LUZP2: variants seen among roughly 807,000 people sequenced by gnomAD.
LUZP2 encodes leucine zipper protein 2.
LUZP2 carries 52 observed loss-of-function variants against 51.6 expected under a neutral mutation model. The observed-to-expected ratio is 1.01, with a 90% CI of 0.81 to 1.27. The LOEUF (loss-of-function observed/expected upper bound fraction) is 1.27, where lower values mean the gene tolerates loss of function less well. Ranked by LOEUF, LUZP2 falls within the 50% of genes most tolerant of loss-of-function variation. The pLI is 0.00. For synonymous variants in LUZP2, 154 were observed against 137.3 expected, an observed-to-expected ratio of 1.12 and a Z score of -0.85; for missense variants, 436 against 395.4, an observed-to-expected ratio of 1.10 and a Z score of -0.87.
chr11:24,901,787 T>G (rs905846772), intron 5 of LUZP2, among the ~76,000 whole-genome samples: 14 of 152,134 alleles, frequency 9.2e-5, no homozygotes, highest in African/African-American at 3.4e-4. Flanking sequence ...TCCATTGACC[T>G]CCATAATTCT....
intron 7 of LUZP2, among the ~76,000 whole-genome samples, chr11:24,918,701 A>G (rs939712464): frequency 4.0e-5 from 6 of 151,516 alleles, no homozygotes; most frequent in African/African-American, 1.5e-4. Flanking sequence ...GTCAAAAAAT[A>G]TAAAGCCAAA....
At chr11:24,606,524 A>G (rs528602336) in intron 1 of LUZP2, among the ~76,000 whole-genome samples, 1 of 152,108 alleles carries the variant, frequency 6.6e-6, no homozygotes, top group African/African-American at 2.4e-5. Flanking sequence ...TATGAGTGAC[A>G]ATTCTTTTTT....
chr11:24,727,507 A>G (rs1306661309), intron 1 of LUZP2, among the ~76,000 whole-genome samples: 2 of 152,128 alleles, frequency 1.3e-5, no homozygotes, highest in Non-Finnish European at 2.9e-5. Context: ...GACAGCATAT[A>G]TAATAACCTG....
intron 5 of LUZP2, among the ~76,000 whole-genome samples, chr11:24,881,424 G>T (rs571005830): frequency 6.6e-6 from 1 of 151,668 alleles, no homozygotes. Context: ...TGCAAGGATG[G>T]ATGAGTCATG....
chr11:24,949,650 A>G (rs1390497494), intron 7 of LUZP2, among the ~76,000 whole-genome samples: 1 of 151,562 alleles, frequency 6.6e-6, no homozygotes, highest in Non-Finnish European at 1.5e-5. Flanking sequence ...AGCGGTTCGT[A>G]ATACTGGATT....
At chr11:24,636,780 C>T (rs1855120756) in intron 1 of LUZP2, among the ~76,000 whole-genome samples, 1 of 152,038 alleles carries the variant, frequency 6.6e-6, no homozygotes, top group Non-Finnish European at 1.5e-5. Flanking sequence ...CTCACACACA[C>T]TTAACCAGAG....
intron 9 of LUZP2, among the ~76,000 whole-genome samples, chr11:25,005,024 A>G (rs1007415882): frequency 1.3e-5 from 2 of 152,222 alleles, no homozygotes; most frequent in Non-Finnish European, 2.9e-5. Flanking sequence ...CTATGTACCT[A>G]TCAGGATCAT....
At chr11:24,566,904 TA>T (rs1365963474) in intron 1 of LUZP2, among the ~76,000 whole-genome samples, 2 of 3,738 alleles carry the variant, frequency 5.4e-4, no homozygotes, top group East Asian at 0.016. Flanking sequence ...TTATATATGT[TA>T]TATATATATA....
intron 1 of LUZP2, among the ~76,000 whole-genome samples, chr11:24,609,998 C>T (rs994199717): frequency 1.3e-5 from 2 of 152,096 alleles, no homozygotes; most frequent in Non-Finnish European, 1.5e-5. Flanking sequence ...CCAAGGCTAA[C>T]CTGGGAGTAA....
intron 5 of LUZP2, among the ~76,000 whole-genome samples, chr11:24,875,155 G>A (rs1852205315): frequency 6.6e-6 from 1 of 150,742 alleles, no homozygotes; most frequent in African/African-American, 2.5e-5. Flanking sequence ...ACAATGTGCA[G>A]GTTAGTTACA....
At chr11:24,624,341 A>T (rs975455378) in intron 1 of LUZP2, among the ~76,000 whole-genome samples, 1 of 152,112 alleles carries the variant, frequency 6.6e-6, no homozygotes, top group Admixed American at 6.5e-5. Context: ...TTTTGTCCTC[A>T]GAACTCCTGT....
intron 9 of LUZP2, among the ~76,000 whole-genome samples, chr11:24,994,168 T>TG (rs1244817299): frequency 4.6e-5 from 7 of 151,498 alleles, no homozygotes; most frequent in Non-Finnish European, 7.4e-5. Context: ...CCTTTTTTTT[T>TG]TTTTTTTTTG....
At chr11:24,523,607 C>A (rs1850712735) in intron 1 of LUZP2, among the ~76,000 whole-genome samples, 2 of 150,730 alleles carry the variant, frequency 1.3e-5, no homozygotes, top group Admixed American at 6.6e-5. Flanking sequence ...TCAGGTAGTA[C>A]ATTTAGATTG....
At chr11:24,559,636 G>A (rs1160803518) in intron 1 of LUZP2, among the ~76,000 whole-genome samples, 13 of 152,092 alleles carry the variant, frequency 8.5e-5, no homozygotes, top group Admixed American at 8.5e-4. Context: ...CATAAAGTAG[G>A]TTTAAATAAG....
At chr11:24,858,773 A>G (rs10767255) in intron 5 of LUZP2, among the ~76,000 whole-genome samples, 23,636 of 152,216 alleles carry the variant, frequency 0.16, 1,982 homozygotes, top group African/African-American at 0.21. Context: ...AAGAAAGGGT[A>G]CAAACAACCA....
intron 9 of LUZP2, among the ~76,000 whole-genome samples, chr11:25,021,302 GAAA>G (rs57811370): frequency 0.02 from 2,923 of 147,898 alleles, 48 homozygotes; most frequent in Non-Finnish European, 0.033. Flanking sequence ...GAATTTGTCA[GAAA>G]AAAAAAAAGG....
intron 9 of LUZP2, among the ~76,000 whole-genome samples, chr11:24,995,900 G>C (rs1207843509): frequency 6.6e-6 from 1 of 151,738 alleles, no homozygotes; most frequent in Non-Finnish European, 1.5e-5. Flanking sequence ...TCTAAATTCA[G>C]TGTTAGTGCT....
intron 1 of LUZP2, among the ~76,000 whole-genome samples, chr11:24,705,361 T>C (rs1247547173): frequency 6.6e-6 from 1 of 152,186 alleles, no homozygotes; most frequent in East Asian, 1.9e-4. Context: ...CTAACATTAT[T>C]ATTTGGTAGA....
At chr11:24,565,534 A>G (rs1172754739) in intron 1 of LUZP2, among the ~76,000 whole-genome samples, 1 of 152,184 alleles carries the variant, frequency 6.6e-6, no homozygotes, top group East Asian at 1.9e-4. Flanking sequence ...TTTATACTTG[A>G]TAGGGGCATT....
Sources: gnomAD v4.1 joint callset for allele counts (sites outside exome capture counted in the v4.1 genomes callset) on GRCh38, gnomAD v4.1.1 for gene constraint, MANE v1.5 for transcripts, NCBI Gene and HGNC (gene_info 2026-07-23, HGNC 2026-07-21) for gene names.